Variants in IL1RAPL2 observed in about 807,000 individuals in gnomAD.
IL1RAPL2 encodes interleukin 1 receptor accessory protein like 2, also known as X-linked interleukin-1 receptor accessory protein-like 2.
IL1RAPL2 carries 3 observed loss-of-function variants against 44.1 expected under a neutral mutation model. The observed-to-expected ratio is 0.07, with a 90% CI of 0.03 to 0.18. IL1RAPL2 has a LOEUF of 0.18. Among genes scored for constraint, IL1RAPL2 ranks in the 10% least tolerant of loss-of-function variants. The probability of loss-of-function intolerance (pLI) is 1.00; values close to 1 mark genes in which losing one functional copy is unlikely to be tolerated. For missense variants in IL1RAPL2, 391 were observed against 496.4 expected, an observed-to-expected ratio of 0.79 and a Z score of 2.02; for synonymous variants, 181 against 178.8, an observed-to-expected ratio of 1.01 and a Z score of -0.10.
intron 2 of IL1RAPL2, among the ~76,000 whole-genome samples, chrX:105,171,545 G>A (rs1220142421): frequency 9.0e-6 from 1 of 110,676 alleles, no homozygotes; most frequent in Non-Finnish European, 1.9e-5. Context: ...TTTTCCCCCT[G>A]CCCTGTATTT....
intron 6 of IL1RAPL2, among the ~76,000 whole-genome samples, chrX:105,510,531 C>T (rs983696401): frequency 8.1e-5 from 9 of 111,761 alleles, no homozygotes; most frequent in Non-Finnish European, 1.7e-4. Flanking sequence ...CAAAAAATGT[C>T]CACAGTCTAA....
chrX:105,506,662 C>A, intron 6 of IL1RAPL2, among the ~76,000 whole-genome samples: 1 of 111,524 alleles, frequency 9.0e-6, no homozygotes, highest in East Asian at 2.9e-4. Flanking sequence ...GAGATAAATG[C>A]ATATAATGGT....
At chrX:104,950,624 C>T (rs1925547514) in intron 2 of IL1RAPL2, among the ~76,000 whole-genome samples, 2 of 112,928 alleles carry the variant, frequency 1.8e-5, no homozygotes, top group Admixed American at 9.3e-5. Flanking sequence ...ATGAGCGATA[C>T]TCCGTGGGCG....
intron 6 of IL1RAPL2, among the ~76,000 whole-genome samples, chrX:105,613,993 C>T: frequency 9.0e-6 from 1 of 111,388 alleles, no homozygotes; most frequent in Middle Eastern, 4.7e-3. Flanking sequence ...TTGCAGGATA[C>T]AAAATCAACA....
In IL1RAPL2 at chrX:104,618,478, A is replaced by G. The variant is rs1929322493; in HGVS notation, c.-19-40417A>G. Among the ~76,000 whole-genome samples the G allele has an allele frequency of 3.6e-5, 4 of 111,882 alleles. No individual in the cohort carries two copies. The Admixed American group carries it at 3.8e-4, about 11-fold the overall frequency. On this transcript the variant is annotated intron_variant, in intron 1 of 10. Coordinates refer to ENST00000372582, the MANE Select transcript of IL1RAPL2 (RefSeq NM_017416.2). ...ACGTATGGAGCTGAGAAACCTCCTTAGCCCCAGGTTCTTTGCACAGGGATG... is the reference window on the plus strand; with the variant it reads ...ACGTATGGAGCTGAGAAACCTCCTTGGCCCCAGGTTCTTTGCACAGGGATG...
At chrX:105,366,907 A>G (rs1364575469) in intron 5 of IL1RAPL2, among the ~76,000 whole-genome samples, 1 of 111,545 alleles carries the variant, frequency 9.0e-6, no homozygotes, top group Non-Finnish European at 1.9e-5. Context: ...ATCTGTCTAG[A>G]TGATCTGTCC....
At chrX:105,008,552 T>G (rs1032374192) in intron 2 of IL1RAPL2, among the ~76,000 whole-genome samples, 18 of 111,112 alleles carry the variant, frequency 1.6e-4, no homozygotes, top group Non-Finnish European at 2.8e-4. Context: ...TAGCCATATG[T>G]AGAAAGCTGA....
At chrX:104,690,391 C>A (rs1602682425) in intron 2 of IL1RAPL2, among the ~76,000 whole-genome samples, 1 of 112,324 alleles carries the variant, frequency 8.9e-6, no homozygotes. Context: ...GTTTCCCTGG[C>A]AGAAAGCCAA....
intron 2 of IL1RAPL2, among the ~76,000 whole-genome samples, chrX:104,863,767 T>C (rs1922549536): frequency 8.9e-6 from 1 of 112,203 alleles, no homozygotes; most frequent in South Asian, 3.7e-4. Context: ...ATCACCGTAT[T>C]TATGATGAAA....
At chrX:105,361,459 C>G (rs1050171511) in intron 5 of IL1RAPL2, among the ~76,000 whole-genome samples, 2 of 110,866 alleles carry the variant, frequency 1.8e-5, no homozygotes, top group African/African-American at 3.3e-5. Flanking sequence ...GATTGCAAAG[C>G]TATGTATATA....
intron 1 of IL1RAPL2, among the ~76,000 whole-genome samples, chrX:104,629,754 CA>C (rs1272419917): frequency 9.0e-6 from 1 of 111,300 alleles, no homozygotes; most frequent in Non-Finnish European, 1.9e-5. Flanking sequence ...TATGGTTATC[CA>C]ATTTTCCCAG....
chrX:105,145,925 G>T (rs189524767), intron 2 of IL1RAPL2, among the ~76,000 whole-genome samples: 24 of 111,249 alleles, frequency 2.2e-4, no homozygotes, highest in Admixed American at 1.8e-3. Flanking sequence ...ACTTTGGGAA[G>T]TTATTAGATC....
chrX:105,666,508 A>G (rs768038444), intron 6 of IL1RAPL2, among the ~76,000 whole-genome samples: 21 of 112,101 alleles, frequency 1.9e-4, no homozygotes, highest in Non-Finnish European at 3.2e-4. Flanking sequence ...AGGAATTTAC[A>G]ATATAGTGTG....
At chrX:105,377,396 A>ATG (rs1161994471) in intron 5 of IL1RAPL2, among the ~76,000 whole-genome samples, 3 of 99,019 alleles carry the variant, frequency 3.0e-5, no homozygotes, top group African/African-American at 1.1e-4. Flanking sequence ...GTGTGTGTGT[A>ATG]TGTGTGTGTG....
intron 5 of IL1RAPL2, among the ~76,000 whole-genome samples, chrX:105,425,558 A>C (rs772516116): frequency 2.8e-5 from 3 of 105,423 alleles, no homozygotes; most frequent in Non-Finnish European, 5.8e-5. Context: ...GACACTTGCC[A>C]GTTTTTTGAC....
At chrX:104,914,830 C>T (rs935629895) in intron 2 of IL1RAPL2, among the ~76,000 whole-genome samples, 2 of 110,684 alleles carry the variant, frequency 1.8e-5, no homozygotes, top group African/African-American at 6.6e-5. Flanking sequence ...GTTTTTTGTC[C>T]TTGCCGTAGT....
chrX:105,306,034 T>G (rs2034734410), intron 5 of IL1RAPL2, among the ~76,000 whole-genome samples: 2 of 88,658 alleles, frequency 2.3e-5, no homozygotes, highest in African/African-American at 2.0e-4. Flanking sequence ...TACTTCATTT[T>G]GTGTTGAAAG....
At chrX:105,311,281 A>G (rs1250199445) in intron 5 of IL1RAPL2, among the ~76,000 whole-genome samples, 1 of 110,069 alleles carries the variant, frequency 9.1e-6, no homozygotes, top group Admixed American at 9.8e-5. Flanking sequence ...TTCCCTTTAC[A>G]TTCAATATAT....
intron 6 of IL1RAPL2, among the ~76,000 whole-genome samples, chrX:105,576,884 G>GA (rs2037053970): frequency 9.0e-6 from 1 of 111,609 alleles, no homozygotes; most frequent in Non-Finnish European, 1.9e-5. Flanking sequence ...TTTAGGAGTT[G>GA]AAAAATCACC....
Sources: gnomAD v4.1 joint callset for allele counts (sites outside exome capture counted in the v4.1 genomes callset) on GRCh38, gnomAD v4.1.1 for gene constraint, MANE v1.5 for transcripts, NCBI Gene and HGNC (gene_info 2026-07-23, HGNC 2026-07-21) for gene names.